The following PCDHGA9 variants were observed in gnomAD, a reference collection of about 807,000 sequenced individuals.
PCDHGA9 encodes the protein protocadherin gamma-A9.
Under a neutral mutation model 62.5 loss-of-function variants are expected in PCDHGA9, and 37 were observed. The ratio of observed to expected loss-of-function variants is 0.59; its 90% CI spans 0.46 to 0.78. PCDHGA9 has a LOEUF of 0.78. PCDHGA9 is among the 30% of genes least tolerant of loss of function. PCDHGA9 has a pLI of 0.00. For missense variants in PCDHGA9, 1,138 were observed against 1,166.2 expected, an observed-to-expected ratio of 0.98 and a Z score of 0.35; for synonymous variants, 459 against 484.6, an observed-to-expected ratio of 0.95 and a Z score of 0.69.
chr5:141,496,215 T>C (rs2099767024), intron 2 of PCDHGA9, among the ~76,000 whole-genome samples: 3 of 152,114 alleles, frequency 2.0e-5, no homozygotes, highest in Non-Finnish European at 4.4e-5. Context: ...TATGAATTCC[T>C]GCTGAGACAG....
chr5:141,448,464 T>C lies in PCDHGA9; in HGVS notation c.2424+43088T>C, dbSNP rs186054602. Among the ~76,000 whole-genome samples the C allele has an allele frequency of 2.6e-3, 402 of 152,296 alleles. 10 individuals are homozygous for C. The highest frequency in any genetic ancestry group is 0.023 in the Admixed American group (357 of 15,282). ...CTGACTTCCATCCCTATCCTACTCCTATTCCACCCTTGCTTCCTCCTGTCC... is the reference window on the plus strand; with the variant it reads ...CTGACTTCCATCCCTATCCTACTCCCATTCCACCCTTGCTTCCTCCTGTCC... On this transcript the variant is annotated intron_variant, in intron 1 of 3. Transcript: ENST00000573521.
chr5:141,417,678 A>G (rs1306009640), intron 1 of PCDHGA9: 4 of 997,368 alleles, frequency 4.0e-6, no homozygotes, highest in Non-Finnish European at 5.7e-6. Flanking sequence ...GCAGCCAACA[A>G]CAGAAAAGAA....
chr5:141,475,899 T>A, intron 1 of PCDHGA9: 1 of 574,766 alleles, frequency 1.7e-6, no homozygotes. Flanking sequence ...TGTGTGCCGC[T>A]GTCGGCCAAT....
chr5:141,419,877 C>G (rs1272137716), intron 1 of PCDHGA9: 24 of 1,614,062 alleles, frequency 1.5e-5, no homozygotes, highest in Non-Finnish European at 1.9e-5. Flanking sequence ...GAGGTACTGC[C>G]GGATTTCAGC....
In PCDHGA9 at chr5:141,404,571, C is replaced by T; in HGVS notation, c.1619C>T (p.Pro540Leu). The T allele has an allele frequency of 6.2e-7, 1 of 1,613,720 alleles. No homozygotes were observed. Among genetic ancestry groups the T allele is most frequent in the Non-Finnish European group, 8.5e-7 (1 of 1,179,658 alleles). Residue 540 changes from proline (P) to leucine (L), a missense_variant, in exon 1 of 4, where the codon CCA becomes CTA. By Grantham distance (98) the Pro-to-Leu change is moderately conservative. Transcript: ENST00000573521. The part of the protein sequence containing the change: ...MQVTASDSGS[P>L]PLSSNVSLRL... ...GTGACGGCAAGTGACAGTGGAAGCC[C>T]ACCACTTAGCAGCAATGTGTCATTG...
rs776079289 is a variant in PCDHGA9 at position 141,423,264 on chromosome 5, CGAGTCTCT to C, written c.2424+17890_2424+17897del. The C allele has an allele frequency of 9.8e-5, 158 of 1,613,986 alleles. 1 individual carries two copies. The African/African-American group carries it at 1.9e-3, about 20-fold the overall frequency. ...AAGTCCTGGCGGACCTCGGCAGCCT[CGAGTCTCT>C]GGCTAACTCTGAAACCTCAGACCTC... On this transcript the variant is annotated intron_variant, in intron 1 of 3. Transcript: ENST00000573521.
At chr5:141,504,135 C>G (rs758903340) in intron 2 of PCDHGA9, among the ~76,000 whole-genome samples, 215 of 152,306 alleles carry the variant, frequency 1.4e-3, no homozygotes, top group Middle Eastern at 3.4e-3. Context: ...CCCGCCAACA[C>G]TCCCCTGCAA....
chr5:141,490,061 A>T lies in PCDHGA9; in HGVS notation c.2425-4746A>T. The stretch of plus-strand genomic sequence containing the variant: ...GCCACTGATCCAGACGAGGGCACCA[A>T]CGGCCAACTAGACTATTCTTTTGGA... On this transcript the variant is annotated intron_variant, in intron 1 of 3. Transcript: ENST00000573521. This position sits in a 1 kb window ranked among gnomAD's most constrained non-coding sequence, Gnocchi z 5.4. 1 of 1,614,214 alleles carries T rather than the reference A, an allele frequency of 6.2e-7. No homozygotes were observed. The highest frequency in any genetic ancestry group is 8.5e-7 in the Non-Finnish European group (1 of 1,180,030).
chr5:141,470,016 C>T (rs116065751), intron 1 of PCDHGA9, among the ~76,000 whole-genome samples: 69 of 152,264 alleles, frequency 4.5e-4, no homozygotes, highest in Non-Finnish European at 7.2e-4. Flanking sequence ...GTAATCCCAG[C>T]TACTCGGGAT....
chr5:141,466,885 G>A (rs997982577), intron 1 of PCDHGA9, among the ~76,000 whole-genome samples: 3 of 151,938 alleles, frequency 2.0e-5, no homozygotes, highest in Non-Finnish European at 4.4e-5. Context: ...TTCATAATAT[G>A]CATTTTCCAT....
Position 141,405,301 on chromosome 5 carries a change from G to C in PCDHGA9, c.2349G>C (p.Gln783His), listed in dbSNP as rs369812265. Residue 783 changes from glutamine (Q) to histidine (H), a missense_variant, in exon 1 of 4, where the codon CAG (glutamine) becomes CAC (histidine). By Grantham distance (24) the Gln-to-His change is conservative (BLOSUM62 0). Transcript: ENST00000573521. ...PNYADTLISQQSCEKNEPLCV... is the reference protein window; with the variant it reads ...PNYADTLISQHSCEKNEPLCV... ...ATGCAGACACACTCATCAGCCAGCA[G>C]AGCTGTGAGAAAAATGAGCCTTTGT... The C allele has an allele frequency of 1.2e-6, 2 of 1,614,082 alleles. No individual in the cohort carries two copies. Among genetic ancestry groups the C allele is most frequent in the African/African-American group, 2.7e-5 (2 of 74,938 alleles).
At chr5:141,422,488 A>G in intron 1 of PCDHGA9, 1 of 1,614,000 alleles carries the variant, frequency 6.2e-7, no homozygotes, top group Non-Finnish European at 8.5e-7. Context: ...GAGCTACAAT[A>G]TAACGTTGAC....
chr5:141,469,112 A>T (rs1207790108), intron 1 of PCDHGA9, among the ~76,000 whole-genome samples: 1 of 151,698 alleles, frequency 6.6e-6, no homozygotes, highest in African/African-American at 2.4e-5. Flanking sequence ...ACCTGTCTCT[A>T]AAAAAATTTA....
At chr5:141,438,589 TAC>T (rs72335471) in intron 1 of PCDHGA9, among the ~76,000 whole-genome samples, 19,881 of 66,350 alleles carry the variant, frequency 0.3, 2,903 homozygotes, top group Admixed American at 0.41. Context: ...CATACATACA[TAC>T]ATATATATAT....
At chr5:141,496,759 C>T (rs1287940646) in intron 2 of PCDHGA9, among the ~76,000 whole-genome samples, 2 of 152,038 alleles carry the variant, frequency 1.3e-5, no homozygotes, top group South Asian at 4.2e-4. Context: ...AAATATTTAT[C>T]GAGCATCTAC....
At chr5:141,434,338 G>A (rs1037038534) in intron 1 of PCDHGA9, among the ~76,000 whole-genome samples, 5 of 152,086 alleles carry the variant, frequency 3.3e-5, no homozygotes, top group East Asian at 1.9e-4. Context: ...TCTTTGTGTC[G>A]GGAACAGGCC....
chr5:141,410,852 T>A, intron 1 of PCDHGA9: 1 of 284,264 alleles, frequency 3.5e-6, no homozygotes. Context: ...TCTTTGTCTT[T>A]TTTTTTTTTT....
intron 1 of PCDHGA9, among the ~76,000 whole-genome samples, chr5:141,469,134 G>T (rs2099192163): frequency 6.6e-6 from 1 of 151,944 alleles, no homozygotes; most frequent in Non-Finnish European, 1.5e-5. Context: ...AAATTAGCCA[G>T]AAATGGTGGC....
At position 141,477,115 on chromosome 5, in the gene PCDHGA9, A is replaced by G. The variant is rs1218111107; in HGVS notation, c.2425-17692A>G. ...AAGACAAGGGCGCCAATCCCGAAGG[A>G]GCACATTGCAAAGTGTTGGTGGAGG... On this transcript the variant is annotated intron_variant, in intron 1 of 3. Transcript: ENST00000573521. This position sits in a 1 kb window ranked among gnomAD's most constrained non-coding sequence, Gnocchi z 4.9. 1 of 1,614,230 alleles carries G rather than the reference A, an allele frequency of 6.2e-7. No homozygotes were observed. Among genetic ancestry groups the G allele is most frequent in the South Asian group, 1.1e-5 (1 of 91,090 alleles).
Sources: allele counts gnomAD v4.1 joint callset (sites outside exome capture counted in the v4.1 genomes callset), GRCh38; gene constraint gnomAD v4.1.1; non-coding constraint Gnocchi (gnomAD v3.1); transcripts MANE v1.5; gene names NCBI Gene and HGNC (gene_info 2026-07-23, HGNC 2026-07-21).